The following ANO3 variants were observed in gnomAD, a reference collection of about 807,000 sequenced individuals.
The protein encoded by ANO3 is anoctamin-3.
Under a neutral mutation model 144.8 loss-of-function variants are expected in ANO3, and 99 were observed. That is an observed-to-expected ratio of 0.68 (90% CI 0.58 to 0.81). ANO3 has a LOEUF of 0.81. Ranked by LOEUF, ANO3 falls within the 30% of genes least tolerant of loss-of-function variation. ANO3 has a pLI of 0.00. For synonymous variants in ANO3, 414 were observed against 392.6 expected, an observed-to-expected ratio of 1.05 and a Z score of -0.64; for missense variants, 905 against 1,202.2, an observed-to-expected ratio of 0.75 and a Z score of 3.66.
chr11:26,463,898 CTT>C (rs905790839), intron 4 of ANO3, among the ~76,000 whole-genome samples: 4 of 145,742 alleles, frequency 2.7e-5, no homozygotes, highest in African/African-American at 1.0e-4. Flanking sequence ...GATAAGCTCA[CTT>C]TTTTTTTTTC....
chr11:26,412,084 T>C (rs958680685), intron 1 of ANO3, among the ~76,000 whole-genome samples: 9 of 152,028 alleles, frequency 5.9e-5, no homozygotes, highest in African/African-American at 2.2e-4. Context: ...CTTAAAGGGG[T>C]AATTTAAAAA....
chr11:26,327,529 A>C (rs1854915703), upstream of ANO3, among the ~76,000 whole-genome samples: 1 of 152,210 alleles, frequency 6.6e-6, no homozygotes, highest in African/African-American at 2.4e-5. Context: ...CAGCAGCAAA[A>C]GCAGACCAAT....
chr11:26,641,270 T>A (rs1327953140), intron 21 of ANO3, among the ~76,000 whole-genome samples: 2 of 152,176 alleles, frequency 1.3e-5, no homozygotes, highest in Non-Finnish European at 2.9e-5. Flanking sequence ...AATATAATAA[T>A]CACTAACACT....
chr11:26,462,676 G>A (rs192830582), intron 3 of ANO3, among the ~76,000 whole-genome samples: 2 of 151,906 alleles, frequency 1.3e-5, no homozygotes, highest in East Asian at 1.9e-4. Context: ...TGCTTGTACA[G>A]TTCTTACAAA....
chr11:26,455,968 T>C (rs1859141225), intron 3 of ANO3, among the ~76,000 whole-genome samples: 1 of 151,424 alleles, frequency 6.6e-6, no homozygotes, highest in Non-Finnish European at 1.5e-5. Context: ...AAACAAGCAA[T>C]GGGGAAAGGA....
intron 1 of ANO3, among the ~76,000 whole-genome samples, chr11:26,231,831 A>G (rs796294710): frequency 6.6e-6 from 1 of 152,320 alleles, no homozygotes; most frequent in African/African-American, 2.4e-5. Context: ...TTATCATGCA[A>G]TTATGACTAT....
At chr11:26,240,968 G>A (rs1852651535) in intron 1 of ANO3, among the ~76,000 whole-genome samples, 1 of 152,098 alleles carries the variant, frequency 6.6e-6, no homozygotes, top group East Asian at 1.9e-4. Context: ...ATCTCATCTT[G>A]AATTGTAACT....
rs1286919762 is a variant in ANO3 at position 26,300,924 on chromosome 11, A to ACGC, written c.155-8720_155-8719insGCC. ...GCTGAAGTGCAGTGGTGCAATTTCC[A>ACGC]CTCACTGCCACCTCTGCCTCCTGGG... On this transcript the variant is annotated intron_variant, in intron 1 of 27. Transcript: ENST00000672621. Among the ~76,000 whole-genome samples, 170 of 133,126 alleles carry ACGC rather than the reference A, an allele frequency of 1.3e-3. 3 individuals are homozygous for ACGC. Among genetic ancestry groups the ACGC allele is most frequent in the Middle Eastern group, 4.1e-3 (1 of 246 alleles). The allele number at this position is 133,126 out of a possible 152,430, so 87.3% of individuals were successfully genotyped here.
chr11:26,237,851 A>C (rs776352420), intron 1 of ANO3, among the ~76,000 whole-genome samples: 4 of 152,142 alleles, frequency 2.6e-5, no homozygotes, highest in African/African-American at 9.6e-5. Flanking sequence ...AAGAGTTTTT[A>C]ATCTTTACAT....
At chr11:26,324,512 C>A (rs1854837155) in intron 1 of ANO3, among the ~76,000 whole-genome samples, 1 of 152,178 alleles carries the variant, frequency 6.6e-6, no homozygotes, top group South Asian at 2.1e-4. Context: ...CTGGACAACA[C>A]AAAGAATATA....
At chr11:26,580,773 G>A (rs569658927) in intron 14 of ANO3, among the ~76,000 whole-genome samples, 32 of 152,176 alleles carry the variant, frequency 2.1e-4, no homozygotes, top group African/African-American at 7.7e-4. Context: ...TATGAGTTTT[G>A]CCATAAAGCA....
intron 14 of ANO3, 88 bp from the exon 15 acceptor site, chr11:26,598,277 T>G: frequency 1.7e-6 from 1 of 583,306 alleles, no homozygotes; most frequent in Non-Finnish European, 2.7e-6. Flanking sequence ...TAATTTAATT[T>G]TAATTATGAG....
intron 1 of ANO3, among the ~76,000 whole-genome samples, chr11:26,387,834 G>A (rs1195028706): frequency 6.6e-6 from 1 of 152,050 alleles, no homozygotes; most frequent in Non-Finnish European, 1.5e-5. Context: ...CAATATGTCC[G>A]GAACCACTCC....
intron 6 of ANO3, among the ~76,000 whole-genome samples, chr11:26,517,684 G>A (rs1861912179): frequency 2.0e-5 from 3 of 152,034 alleles, no homozygotes; most frequent in Non-Finnish European, 4.4e-5. Context: ...AGAGCCTCTA[G>A]ATAATGAATA....
At chr11:26,531,460 T>A in intron 8 of ANO3, 124 bp downstream of exon 8, 1 of 1,115,048 alleles carries the variant, frequency 9.0e-7, no homozygotes, top group Non-Finnish European at 1.3e-6. Flanking sequence ...ATCATTGTAT[T>A]AAAATACACA....
chr11:26,225,262 C>T (rs1404708578), intron 1 of ANO3, among the ~76,000 whole-genome samples: 1 of 151,860 alleles, frequency 6.6e-6, no homozygotes, highest in East Asian at 1.9e-4. Flanking sequence ...GCTTGAAGCT[C>T]GTATGATTTG....
intron 8 of ANO3, among the ~76,000 whole-genome samples, chr11:26,533,779 A>G (rs528502639): frequency 1.2e-4 from 19 of 152,104 alleles, no homozygotes; most frequent in Middle Eastern, 6.8e-3. Flanking sequence ...TGAAGCAACT[A>G]TCCTAGAAGA....
intron 20 of ANO3, among the ~76,000 whole-genome samples, chr11:26,635,643 A>G (rs1032645139): frequency 1.3e-5 from 2 of 152,210 alleles, no homozygotes; most frequent in African/African-American, 4.8e-5. Context: ...GTATTTAGCC[A>G]ATGGTAGAAT....
At chr11:26,359,398 G>A (rs1354730811) in intron 1 of ANO3, among the ~76,000 whole-genome samples, 2 of 152,194 alleles carry the variant, frequency 1.3e-5, no homozygotes, top group East Asian at 3.9e-4. Context: ...TGAGCACCAT[G>A]TACAGTACAG....
Sources: allele counts gnomAD v4.1 joint callset (sites outside exome capture counted in the v4.1 genomes callset), GRCh38; gene constraint gnomAD v4.1.1; transcripts MANE v1.5; gene names NCBI Gene and HGNC (gene_info 2026-07-23, HGNC 2026-07-21).